The following CFHR4 variants were observed in gnomAD, a reference collection of about 807,000 sequenced individuals.
CFHR4 encodes complement factor H-related protein 4.
CFHR4 carries 64 observed loss-of-function variants against 69.3 expected under a neutral mutation model. The observed-to-expected ratio is 0.92, with a 90% confidence interval of 0.76 to 1.14. CFHR4 has a LOEUF of 1.14. Ranked by LOEUF, CFHR4 falls within the 50% of genes most tolerant of loss-of-function variation. The probability of loss-of-function intolerance (pLI) is 0.00; values close to 1 mark genes in which losing one functional copy is unlikely to be tolerated. For missense variants in CFHR4, 636 were observed against 684.9 expected (o/e 0.93, Z 0.80); for synonymous variants, 244 against 237.0 (o/e 1.03, Z -0.27).
rs368505983 is a variant in CFHR4, at chr1:196,888,434, C to T, written c.58+226C>T. On this transcript the variant is annotated intron_variant, in intron 1 of 9. Coordinates refer to ENST00000608469, the MANE Select transcript of CFHR4 (RefSeq NM_001201550.3). ...TATTTTCTTTGTTTTACAAATTCTA[C>T]AGTGTAAAAAGCATCTAATATTCAT... is the stretch of plus-strand genomic sequence containing the variant. Among the ~76,000 whole-genome samples the T allele has an allele frequency of 3.3e-5, 5 of 150,950 alleles. 1 individual carries two copies. Among genetic ancestry groups the T allele is most frequent in the East Asian group, 1.9e-4 (1 of 5,174 alleles).
chr1:196,895,653 G>C (rs999274105), intron 1 of CFHR4, among the ~76,000 whole-genome samples: 4 of 149,844 alleles, frequency 2.7e-5, no homozygotes, highest in African/African-American at 9.9e-5. Flanking sequence ...TTTCCATTTT[G>C]ATCATACATC....
At chr1:196,894,228 T>C (rs1284378348) in intron 1 of CFHR4, among the ~76,000 whole-genome samples, 1 of 151,596 alleles carries the variant, frequency 6.6e-6, no homozygotes, top group African/African-American at 2.4e-5. Context: ...GAAAATGAAA[T>C]ATGGAGTTTT....
intron 1 of CFHR4, among the ~76,000 whole-genome samples, chr1:196,898,757 G>T (rs142117644): frequency 6.6e-6 from 1 of 151,468 alleles, no homozygotes; most frequent in African/African-American, 2.4e-5. Context: ...CTCCTGTGTC[G>T]TTGCCAAGGA....
chr1:196,914,864 A>C (rs1362829477), intron 8 of CFHR4, 92 bp from the exon 9 acceptor site: 8 of 1,517,884 alleles, frequency 5.3e-6, no homozygotes, highest in Non-Finnish European at 7.0e-6. Flanking sequence ...GAAATCAAAT[A>C]AGATACAGTT....
At chr1:196,913,888 A>G (rs748874765) in intron 7 of CFHR4, among the ~76,000 whole-genome samples, 7 of 151,422 alleles carry the variant, frequency 4.6e-5, no homozygotes, top group Non-Finnish European at 8.8e-5. Flanking sequence ...TTTGGGGGCT[A>G]TATCAATTCC....
At chr1:196,890,158 G>T (rs11580666) in intron 1 of CFHR4, among the ~76,000 whole-genome samples, 4 of 151,444 alleles carry the variant, frequency 2.6e-5, no homozygotes, top group African/African-American at 9.7e-5. Flanking sequence ...ATTTTAGAGG[G>T]TATTTATCAG....
chr1:196,904,614 C>A (rs1485538038), intron 2 of CFHR4, among the ~76,000 whole-genome samples: 2 of 151,450 alleles, frequency 1.3e-5, no homozygotes, highest in Non-Finnish European at 2.9e-5. Flanking sequence ...CTCTCAAACA[C>A]CATGGCTATA....
chr1:196,914,531 C>T lies in CFHR4; in HGVS notation c.1217C>T (p.Ala406Val), dbSNP rs558763168. Residue 406 changes from alanine (A) to valine (V), a missense_variant, in exon 8 of 10, where the codon GCC becomes GTC. Ala to Val is a moderately conservative substitution (Grantham distance 64). Around this residue, in one of 3 missense-constraint regions of CFHR4, gnomAD observed 529 missense variants for 533.2 expected, o/e 0.99. Transcript: ENST00000608469. ...CDMPVFENSRAKSNGMRFKLH... is the reference protein window; with the variant it reads ...CDMPVFENSRVKSNGMRFKLH... ...ATGCCTGTTTTTGAGAATTCCAGAG[C>T]CAAGAGTAATGGCATGCGGTTTAAG... 1.9e-6 allele frequency: 3 copies of T among 1,606,642 alleles called. No individual in the cohort carries two copies. Among genetic ancestry groups the T allele is most frequent in the East Asian group, 4.5e-5 (2 of 44,612 alleles).
intron 5 of CFHR4, among the ~76,000 whole-genome samples, chr1:196,909,094 T>C (rs2124962468): frequency 6.6e-6 from 1 of 151,648 alleles, no homozygotes; most frequent in South Asian, 2.1e-4. Context: ...CATGATTTCA[T>C]AGGAAAAATT....
intron 6 of CFHR4, among the ~76,000 whole-genome samples, chr1:196,912,118 A>G (rs910614080): frequency 1.3e-5 from 2 of 151,320 alleles, no homozygotes; most frequent in Non-Finnish European, 2.9e-5. Context: ...TAGAACACAT[A>G]CATTACTAAT....
chr1:196,908,115 A>G (rs1204415301), intron 5 of CFHR4, among the ~76,000 whole-genome samples: 1 of 151,354 alleles, frequency 6.6e-6, no homozygotes, highest in Non-Finnish European at 1.5e-5. Flanking sequence ...CAAGGAGAAC[A>G]GGTGGACTCA....
intron 9 of CFHR4, among the ~76,000 whole-genome samples, chr1:196,917,292 G>A (rs775413707): frequency 1.2e-4 from 18 of 151,868 alleles, no homozygotes; most frequent in Admixed American, 4.6e-4. Context: ...TGTAAGAACT[G>A]ACATTTTTAT....
chr1:196,896,070 A>G (rs1273332058), intron 1 of CFHR4, among the ~76,000 whole-genome samples: 1 of 149,274 alleles, frequency 6.7e-6, no homozygotes, highest in Non-Finnish European at 1.5e-5. Flanking sequence ...TTCCCCATTC[A>G]TGCAGTTGCT....
rs1358976830 is a variant in CFHR4, at chr1:196,915,089, T to C, written c.1491T>C (p.Asn497=). The change falls in exon 9 of 10, where the codon AAT becomes AAC. Residue 497 remains asparagine, a synonymous_variant. Coordinates refer to ENST00000608469, the MANE Select transcript of CFHR4 (RefSeq NM_001201550.3). ...CCTACTATGAACTTCAGGGTTCTAATTATGTAACATGTAGTAATGGAGAGT... is the reference window on the plus strand; with the variant it reads ...CCTACTATGAACTTCAGGGTTCTAACTATGTAACATGTAGTAATGGAGAGT... ...CQSYYELQGS[N]YVTCSNGEWS... is the part of the protein sequence containing the mutation. 1 of 1,613,380 alleles carries C rather than the reference T, an allele frequency of 6.2e-7. No individual in the cohort carries two copies. The highest frequency in any genetic ancestry group is 8.5e-7 in the Non-Finnish European group (1 of 1,179,872).
At position 196,914,543 on chromosome 1, in the gene CFHR4, G is replaced by A; in HGVS notation, c.1229G>A (p.Gly410Asp). 12 of 1,609,624 alleles carry A rather than the reference G, an allele frequency of 7.5e-6. No individual in the cohort carries two copies. Among genetic ancestry groups the A allele is most frequent in the Non-Finnish European group, 8.5e-6 (10 of 1,178,214 alleles). The change falls in exon 8 of 10, where the codon GGC (glycine) becomes GAC (aspartate). Residue 410 changes from glycine to aspartate, a missense_variant. Gly to Asp is a moderately conservative substitution (Grantham distance 94, BLOSUM62 -1). This residue lies in a region of CFHR4 where 529 missense variants were observed against 533.2 expected (regional missense o/e 0.99). Coordinates refer to ENST00000608469, the MANE Select transcript of CFHR4 (RefSeq NM_001201550.3). The stretch of plus-strand genomic sequence containing the variant: ...GAGAATTCCAGAGCCAAGAGTAATG[G>A]CATGCGGTTTAAGCTCCATGACACA... Reference protein sequence around the residue: ...VFENSRAKSNGMRFKLHDTLD... With the variant: ...VFENSRAKSNDMRFKLHDTLD...
chr1:196,899,183 C>G (rs956956812), intron 1 of CFHR4, among the ~76,000 whole-genome samples: 1 of 151,292 alleles, frequency 6.6e-6, no homozygotes, highest in Non-Finnish European at 1.5e-5. Flanking sequence ...GGTTCCTTTG[C>G]CTTTTTCAAG....
chr1:196,901,823 TA>T (rs1326008424), intron 1 of CFHR4, among the ~76,000 whole-genome samples: 2 of 145,376 alleles, frequency 1.4e-5, no homozygotes, highest in African/African-American at 5.6e-5. Flanking sequence ...TAAAAATGCT[TA>T]TTACACTCTT....
In CFHR4 at chr1:196,905,090, C is replaced by A. The variant is rs767841240; in HGVS notation, c.257-18C>A. 7 of 1,567,896 alleles carry A rather than the reference C, an allele frequency of 4.5e-6. No individual in the cohort carries two copies. In the South Asian group the frequency reaches 7.1e-5, roughly 16 times the overall value. On this transcript the variant is annotated intron_variant, in intron 2 of 9. Transcript: ENST00000608469. Reference sequence around the variant, plus strand: ...ATTCAACAAATATTTACTTTTTTCTCTACTTTTTCTATTTTAGGAACATGC... The same window carrying A: ...ATTCAACAAATATTTACTTTTTTCTATACTTTTTCTATTTTAGGAACATGC...
rs1235382967 is a variant in CFHR4 at position 196,910,374 on chromosome 1, C to T, written c.893C>T (p.Ser298Phe). The T allele has an allele frequency of 6.2e-7, 1 of 1,611,534 alleles. No homozygotes were observed. Among genetic ancestry groups the T allele is most frequent in the Non-Finnish European group, 8.5e-7 (1 of 1,178,604 alleles). The change falls in exon 6 of 10, where the codon TCT (serine) becomes TTT (phenylalanine). Residue 298 changes from serine (S) to phenylalanine (F), a missense_variant. By Grantham distance (155) the Ser-to-Phe change is radical (BLOSUM62 -2). Around this residue, in one of 3 missense-constraint regions of CFHR4, gnomAD observed 529 missense variants for 533.2 expected, o/e 0.99. Transcript: ENST00000608469. The part of the protein sequence containing the change: ...RPYFPVATGQ[S>F]YSYYCDQNFV... ...TACTTTCCAGTAGCTACAGGACAATCTTACTCCTATTACTGTGACCAAAAT... is the reference window on the plus strand; with the variant it reads ...TACTTTCCAGTAGCTACAGGACAATTTTACTCCTATTACTGTGACCAAAAT...
Sources: gnomAD v4.1 joint callset for allele counts (sites outside exome capture counted in the v4.1 genomes callset) on GRCh38, gnomAD v4.1.1 for gene constraint, gnomAD v4.1.1 regional missense constraint, MANE v1.5 for transcripts, NCBI Gene and HGNC (gene_info 2026-07-23, HGNC 2026-07-21) for gene names.